Variants in C1orf185 observed in about 807,000 individuals in gnomAD.
C1orf185 encodes chromosome 1 open reading frame 185.
Under a neutral mutation model 16.1 loss-of-function variants are expected in C1orf185, and 13 were observed. The ratio of observed to expected loss-of-function variants is 0.81; its 90% CI spans 0.53 to 1.28. The LOEUF (loss-of-function observed/expected upper bound fraction) is 1.28, where lower values mean the gene tolerates loss of function less well. Among genes scored for constraint, C1orf185 ranks in the 50% most tolerant of loss-of-function variants. The pLI is 0.00. For missense variants in C1orf185, 220 were observed against 225.2 expected (o/e 0.98, Z 0.15); for synonymous variants, 80 against 76.9 (o/e 1.04, Z -0.21).
chr1:51,144,798 A>G lies in C1orf185; in HGVS notation c.259-926A>G, dbSNP rs549315069. 3.9e-5 allele frequency among the ~76,000 whole-genome samples: 6 copies of G among 152,314 alleles called. No homozygotes were observed. The South Asian group carries it at 1.2e-3, about 32-fold the overall frequency. ...GAGACAGGCAAATGCAGATCAGCAC[A>G]GAGCACTGACACATTTTCTCCCAGA... On this transcript the variant is annotated intron_variant, in intron 3 of 4. Transcript: ENST00000371759.
chr1:51,104,838 G>C (rs990428195), intron 1 of C1orf185, among the ~76,000 whole-genome samples: 5 of 152,164 alleles, frequency 3.3e-5, no homozygotes, highest in African/African-American at 1.2e-4. Flanking sequence ...AACTGCCTCT[G>C]TTGTTATACC....
chr1:51,120,635 G>A (rs1646191078), intron 3 of C1orf185, among the ~76,000 whole-genome samples: 1 of 152,296 alleles, frequency 6.6e-6, no homozygotes, highest in Admixed American at 6.5e-5. Context: ...GAGAAAAATT[G>A]TTTCTATGTA....
At chr1:51,123,944 TATAC>T (rs1646216987) in intron 3 of C1orf185, among the ~76,000 whole-genome samples, 1 of 151,440 alleles carries the variant, frequency 6.6e-6, no homozygotes, top group African/African-American at 2.4e-5. Context: ...CATGTATATA[TATAC>T]ACACACACAC....
chr1:51,136,249 T>A (rs1448556754), intron 3 of C1orf185, among the ~76,000 whole-genome samples: 2 of 152,168 alleles, frequency 1.3e-5, no homozygotes, highest in Non-Finnish European at 1.5e-5. Context: ...AATTTATAGA[T>A]TCAATGCTAT....
At chr1:51,121,860 T>C (rs1248742305) in intron 3 of C1orf185, among the ~76,000 whole-genome samples, 2 of 152,114 alleles carry the variant, frequency 1.3e-5, no homozygotes, top group Non-Finnish European at 2.9e-5. Flanking sequence ...ATGTTACCAG[T>C]ACCTTTGAGA....
At chr1:51,133,522 T>C (rs888077291) in intron 3 of C1orf185, among the ~76,000 whole-genome samples, 1 of 152,226 alleles carries the variant, frequency 6.6e-6, no homozygotes, top group Non-Finnish European at 1.5e-5. Context: ...TAAATATCTA[T>C]GCACCCAACA....
chr1:51,136,803 C>T (rs1204467245), intron 3 of C1orf185, among the ~76,000 whole-genome samples: 2 of 152,038 alleles, frequency 1.3e-5, no homozygotes, highest in Non-Finnish European at 2.9e-5. Flanking sequence ...TGTATAAAAA[C>T]CCTGGAAGAC....
chr1:51,126,265 A>G (rs1646239242), intron 3 of C1orf185, among the ~76,000 whole-genome samples: 1 of 152,060 alleles, frequency 6.6e-6, no homozygotes, highest in Admixed American at 6.6e-5. Context: ...GTTAGTTTTT[A>G]TTACTGGAAT....
intron 3 of C1orf185, among the ~76,000 whole-genome samples, chr1:51,131,103 A>G (rs772533049): frequency 4.6e-5 from 7 of 152,108 alleles, no homozygotes; most frequent in Non-Finnish European, 7.4e-5. Flanking sequence ...AGGTTTCTCC[A>G]TGTTGGTCAG....
At chr1:51,127,577 C>A (rs569556334) in intron 3 of C1orf185, among the ~76,000 whole-genome samples, 272 of 152,240 alleles carry the variant, frequency 1.8e-3, no homozygotes, top group African/African-American at 6.5e-3. Context: ...TGAGCCACTG[C>A]GCCCAGCAGC....
At chr1:51,107,961 T>C (rs1469983517) in intron 1 of C1orf185, among the ~76,000 whole-genome samples, 1 of 152,264 alleles carries the variant, frequency 6.6e-6, no homozygotes, top group African/African-American at 2.4e-5. Context: ...AATATTTTAG[T>C]ACATGTTTTT....
rs545732752 is a variant in C1orf185 at position 51,115,426 on chromosome 1, A to G, written c.122+2857A>G. 1.1e-4 allele frequency among the ~76,000 whole-genome samples: 17 copies of G among 152,302 alleles called. No homozygotes were observed. The East Asian group carries it at 3.3e-3, about 29-fold the overall frequency. Reference sequence around the variant, plus strand: ...TATTGAGTAATATTCCATTTTATGAATATACCTTGGTTTATCTATTCTTTT... The same window carrying G: ...TATTGAGTAATATTCCATTTTATGAGTATACCTTGGTTTATCTATTCTTTT... On this transcript the variant is annotated intron_variant, in intron 2 of 4. Coordinates refer to ENST00000371759, the MANE Select transcript of C1orf185 (RefSeq NM_001136508.2).
chr1:51,120,401 C>T (rs1646189647), intron 3 of C1orf185, among the ~76,000 whole-genome samples: 1 of 152,064 alleles, frequency 6.6e-6, no homozygotes, highest in Admixed American at 6.6e-5. Flanking sequence ...TCCTCATCTG[C>T]AAAATAAGGA....
At chr1:51,119,187 A>G (rs549710290) in intron 3 of C1orf185, among the ~76,000 whole-genome samples, 7 of 152,254 alleles carry the variant, frequency 4.6e-5, no homozygotes, top group Non-Finnish European at 8.8e-5. Context: ...TGATGTACTA[A>G]GCCTTTACTA....
intron 2 of C1orf185, among the ~76,000 whole-genome samples, chr1:51,115,153 A>T (rs1431277514): frequency 6.6e-6 from 1 of 151,940 alleles, no homozygotes; most frequent in South Asian, 2.1e-4. Flanking sequence ...GAGACCAGTG[A>T]ACAGTGAAAC....
chr1:51,102,322 C>G, intron 1 of C1orf185, 73 bp downstream of exon 1: 1 of 700,714 alleles, frequency 1.4e-6, no homozygotes, highest in South Asian at 1.5e-5. Flanking sequence ...GACGAACAAC[C>G]AGAAATCTAT....
intron 3 of C1orf185, among the ~76,000 whole-genome samples, chr1:51,121,630 A>G (rs558105735): frequency 1.3e-5 from 2 of 152,252 alleles, no homozygotes; most frequent in East Asian, 1.9e-4. Context: ...CTGCCTCTGT[A>G]TTGGCTTCTT....
chr1:51,137,571 G>A (rs1488521036), intron 3 of C1orf185, among the ~76,000 whole-genome samples: 1 of 152,038 alleles, frequency 6.6e-6, no homozygotes, highest in African/African-American at 2.4e-5. Flanking sequence ...TGGTGAGGCT[G>A]CAGAGAAAAA....
chr1:51,126,929 GT>G (rs1238824784), intron 3 of C1orf185, among the ~76,000 whole-genome samples: 1 of 151,326 alleles, frequency 6.6e-6, no homozygotes, highest in Admixed American at 6.6e-5. Context: ...AACCTTTACA[GT>G]TTTGAGGAGT....
Sources: gnomAD v4.1 joint callset for allele counts (sites outside exome capture counted in the v4.1 genomes callset) on GRCh38, gnomAD v4.1.1 for gene constraint, MANE v1.5 for transcripts, NCBI Gene and HGNC (gene_info 2026-07-23, HGNC 2026-07-21) for gene names.